Variants in MEIKIN observed in about 807,000 individuals in gnomAD.
The protein encoded by MEIKIN is meiosis-specific kinetochore protein.
chr5:131,937,513 A>T (rs1433843457), intron 4 of MEIKIN, among the ~76,000 whole-genome samples: 2 of 151,780 alleles, frequency 1.3e-5, no homozygotes, highest in Non-Finnish European at 2.9e-5. Flanking sequence ...CTGCATTCTC[A>T]AGTCATTTTC....
chr5:131,923,067 T>G (rs145997244), intron 5 of MEIKIN, among the ~76,000 whole-genome samples: 3 of 152,322 alleles, frequency 2.0e-5, no homozygotes, highest in East Asian at 1.9e-4. Flanking sequence ...AATATTTTAT[T>G]TGTGTAGAGA....
chr5:131,898,909 C>A (rs192896588), intron 8 of MEIKIN, among the ~76,000 whole-genome samples: 4 of 152,198 alleles, frequency 2.6e-5, no homozygotes, highest in Non-Finnish European at 4.4e-5. Flanking sequence ...CGCCCTCCTT[C>A]GGCTTGCCTT....
intron 8 of MEIKIN, 112 bp from the exon 9 acceptor site, chr5:131,879,160 C>T (rs1750663043): frequency 2.6e-6 from 1 of 391,578 alleles, no homozygotes; most frequent in Admixed American, 4.4e-5. Flanking sequence ...TTGTAAAACC[C>T]CTGATTTTAA....
intron 11 of MEIKIN, among the ~76,000 whole-genome samples, chr5:131,837,538 A>T (rs772071066): frequency 6.6e-6 from 1 of 152,128 alleles, no homozygotes; most frequent in Non-Finnish European, 1.5e-5. Context: ...TTCTTTGAGC[A>T]GTGGCTTGTA....
chr5:131,831,340 A>G (rs1481968257), intron 11 of MEIKIN, among the ~76,000 whole-genome samples: 1 of 152,194 alleles, frequency 6.6e-6, no homozygotes, highest in African/African-American at 2.4e-5. Flanking sequence ...GCTTGAGGTC[A>G]GGAGTTTGAG....
rs150755260 is a variant in MEIKIN, at chr5:131,849,658, A to G, written c.975+1606T>C. On this transcript the variant is annotated intron_variant, in intron 11 of 12. Transcript: ENST00000442687. ...TTTTCTTTATAAATTACCCAGTCTCAGGTATTTCTTTATAGCAATGTGAAA... is the reference window on the plus strand; with the variant it reads ...TTTTCTTTATAAATTACCCAGTCTCGGGTATTTCTTTATAGCAATGTGAAA... Among the ~76,000 whole-genome samples the G allele has an allele frequency of 3.3e-4, 49 of 150,634 alleles. 1 individual carries two copies. In the East Asian group the frequency reaches 9.0e-3, roughly 28 times the overall value.
intron 11 of MEIKIN, among the ~76,000 whole-genome samples, chr5:131,839,193 T>C (rs929200932): frequency 2.0e-5 from 3 of 152,224 alleles, no homozygotes; most frequent in Non-Finnish European, 4.4e-5. Context: ...AATTCTATTA[T>C]TAATGGTGCT....
chr5:131,895,674 A>G (rs1175619000), intron 8 of MEIKIN, among the ~76,000 whole-genome samples: 1 of 152,110 alleles, frequency 6.6e-6, no homozygotes, highest in East Asian at 1.9e-4. Flanking sequence ...GTTTATTTGC[A>G]TAGAGGTGTT....
chr5:131,843,265 T>C (rs1249716469), intron 11 of MEIKIN, among the ~76,000 whole-genome samples: 1 of 152,258 alleles, frequency 6.6e-6, no homozygotes, highest in Non-Finnish European at 1.5e-5. Context: ...CCTGTAGGTA[T>C]TTTTCCCACT....
At chr5:131,942,721 T>A in intron 3 of MEIKIN, 26 bp from the exon 4 acceptor site, 1 of 397,976 alleles carries the variant, frequency 2.5e-6, no homozygotes, top group East Asian at 3.6e-5. Context: ...ATTAAAGCTA[T>A]AGCAAAATTA....
chr5:131,817,961 TA>T (rs1773132746), intron 12 of MEIKIN, among the ~76,000 whole-genome samples: 2 of 152,142 alleles, frequency 1.3e-5, no homozygotes, highest in Admixed American at 6.6e-5. Flanking sequence ...TTAAGCCTTC[TA>T]AACTCAAAAA....
At chr5:131,851,564 A>C (rs1380202461) in intron 10 of MEIKIN, among the ~76,000 whole-genome samples, 181 bp from the exon 11 acceptor site, 1 of 152,242 alleles carries the variant, frequency 6.6e-6, no homozygotes, top group African/African-American at 2.4e-5. Flanking sequence ...ACTCTTCAAA[A>C]GATGCATGTT....
intron 9 of MEIKIN, among the ~76,000 whole-genome samples, chr5:131,855,808 G>C (rs931379554): frequency 6.6e-6 from 1 of 152,176 alleles, no homozygotes; most frequent in African/African-American, 2.4e-5. Flanking sequence ...CTGCAAGAGA[G>C]AGAAAATCTA....
At chr5:131,838,230 G>C (rs1478885683) in intron 11 of MEIKIN, among the ~76,000 whole-genome samples, 1 of 152,044 alleles carries the variant, frequency 6.6e-6, no homozygotes, top group Non-Finnish European at 1.5e-5. Flanking sequence ...TTAGCTTTTT[G>C]ATATGCTGCT....
chr5:131,824,784 T>C (rs1051999017), intron 11 of MEIKIN, among the ~76,000 whole-genome samples: 1 of 151,970 alleles, frequency 6.6e-6, no homozygotes, highest in African/African-American at 2.4e-5. Context: ...AGAGAGAATA[T>C]AATAAATAAT....
chr5:131,859,690 T>A (rs1421665528), intron 9 of MEIKIN, among the ~76,000 whole-genome samples: 2 of 152,138 alleles, frequency 1.3e-5, no homozygotes, highest in African/African-American at 4.8e-5. Context: ...TTACCCAGTC[T>A]TAGGTATTTT....
At chr5:131,897,301 T>C (rs990687029) in intron 8 of MEIKIN, among the ~76,000 whole-genome samples, 3 of 152,256 alleles carry the variant, frequency 2.0e-5, no homozygotes, top group Non-Finnish European at 4.4e-5. Context: ...CCTTTCTCTC[T>C]GGCTGCCCTT....
At chr5:131,876,120 G>A (rs1000151552) in intron 9 of MEIKIN, among the ~76,000 whole-genome samples, 2 of 152,140 alleles carry the variant, frequency 1.3e-5, no homozygotes, top group Non-Finnish European at 2.9e-5. Flanking sequence ...AGAAGCAATG[G>A]CAACAAACGC....
chr5:131,941,142 CTTTTTTTTTTTTTTTTTTTT>C (rs397999274), intron 4 of MEIKIN, among the ~76,000 whole-genome samples: 1 of 59,662 alleles, frequency 1.7e-5, no homozygotes, highest in African/African-American at 7.6e-5. Flanking sequence ...AGATCTCTTC[CTTTTTTTTTTTTTTTTTTTT>C]TTTTTTTTTT....
Sources: allele counts gnomAD v4.1 joint callset (sites outside exome capture counted in the v4.1 genomes callset), GRCh38; gene constraint gnomAD v4.1.1; transcripts MANE v1.5; gene names NCBI Gene and HGNC (gene_info 2026-07-23, HGNC 2026-07-21).